Variants in DPP10 observed in about 807,000 individuals in gnomAD.
DPP10 encodes the protein inactive dipeptidyl peptidase 10.
Under a neutral mutation model 120.9 loss-of-function variants are expected in DPP10, and 33 were observed. The observed-to-expected ratio is 0.27, with a 90% CI of 0.21 to 0.37. The LOEUF (loss-of-function observed/expected upper bound fraction) is 0.37, where lower values mean the gene tolerates loss of function less well. Among genes scored for constraint, DPP10 ranks in the 10% least tolerant of loss-of-function variants. The pLI, the probability that DPP10 is intolerant of heterozygous loss-of-function variation, is 1.00. For synonymous variants in DPP10, 337 were observed against 326.1 expected, an observed-to-expected ratio of 1.03 and a Z score of -0.36; for missense variants, 816 against 942.8, an observed-to-expected ratio of 0.87 and a Z score of 1.76.
chr2:114,530,063 A>G (rs1052272134), intron 1 of DPP10, among the ~76,000 whole-genome samples: 1 of 152,128 alleles, frequency 6.6e-6, no homozygotes, highest in African/African-American at 2.4e-5. Flanking sequence ...TTACATTCTT[A>G]GAGAAAATCT....
At chr2:115,433,867 C>T (rs1392462932) in intron 3 of DPP10, among the ~76,000 whole-genome samples, 2 of 151,964 alleles carry the variant, frequency 1.3e-5, no homozygotes, top group Admixed American at 6.6e-5. Flanking sequence ...TCAGATATCA[C>T]GATTACCATG....
chr2:115,710,571 C>A (rs904552108), intron 7 of DPP10, among the ~76,000 whole-genome samples: 1 of 152,018 alleles, frequency 6.6e-6, no homozygotes, highest in Non-Finnish European at 1.5e-5. Flanking sequence ...ATAATAGCAT[C>A]ATGGATTCAT....
intron 11 of DPP10, 113 bp downstream of exon 11, chr2:115,753,410 A>G (rs996155895): frequency 1.0e-6 from 1 of 976,678 alleles, no homozygotes; most frequent in Non-Finnish European, 1.4e-6. Flanking sequence ...AACTTTTAAA[A>G]CTAATAGGAA....
rs548558662 is a variant in DPP10 at position 114,868,867 on chromosome 2, C to A, written c.60+426029C>A. On this transcript the variant is annotated intron_variant, in intron 1 of 25. Transcript: ENST00000410059. The stretch of plus-strand genomic sequence containing the variant: ...GTTTTAGGGTCAACCAGAGCTGGCT[C>A]TGCCACGTCTTAACTGTGCGAATTT... 7.2e-5 allele frequency among the ~76,000 whole-genome samples: 11 copies of A among 152,284 alleles called. No individual in the cohort carries two copies. The South Asian group carries it at 2.1e-3, about 29-fold the overall frequency.
At chr2:115,799,155 C>T (rs1684877245) in intron 19 of DPP10, among the ~76,000 whole-genome samples, 1 of 151,934 alleles carries the variant, frequency 6.6e-6, no homozygotes, top group African/African-American at 2.4e-5. Context: ...TTCCTCTAGA[C>T]ATTAATACCT....
At chr2:114,615,453 C>A (rs1693605950) in intron 1 of DPP10, among the ~76,000 whole-genome samples, 1 of 152,144 alleles carries the variant, frequency 6.6e-6, no homozygotes, top group African/African-American at 2.4e-5. Context: ...ATCTCTGTCT[C>A]TCTCTGTATT....
At chr2:115,285,539 A>G (rs113075865) in intron 1 of DPP10, among the ~76,000 whole-genome samples, 8,666 of 152,138 alleles carry the variant, frequency 0.057, 334 homozygotes, top group Middle Eastern at 0.1. Flanking sequence ...GAGAAAAGGC[A>G]ACCCATTGTT....
intron 3 of DPP10, among the ~76,000 whole-genome samples, chr2:115,387,274 C>T (rs982985581): frequency 2.6e-5 from 4 of 152,156 alleles, no homozygotes; most frequent in African/African-American, 9.7e-5. Context: ...TAGCGTGTTT[C>T]TCCCTCTGTT....
chr2:115,802,971 A>G (rs1301567057), intron 19 of DPP10, among the ~76,000 whole-genome samples: 1 of 152,050 alleles, frequency 6.6e-6, no homozygotes, highest in East Asian at 1.9e-4. Context: ...GCTGAGTTCA[A>G]TTTCTGGATA....
chr2:114,840,649 G>C (rs62165242), intron 1 of DPP10, among the ~76,000 whole-genome samples: 7,560 of 152,222 alleles, frequency 0.05, 239 homozygotes, highest in Non-Finnish European at 0.072. Context: ...TTCAAGAAGA[G>C]TTGTCATTCT....
chr2:115,064,089 CA>C (rs1706644740), intron 1 of DPP10, among the ~76,000 whole-genome samples: 1 of 152,124 alleles, frequency 6.6e-6, no homozygotes, highest in Non-Finnish European at 1.5e-5. Context: ...CTCACTTTCA[CA>C]CAACATATAG....
chr2:115,217,356 C>T (rs1433971472), intron 1 of DPP10, among the ~76,000 whole-genome samples: 3 of 152,222 alleles, frequency 2.0e-5, no homozygotes, highest in South Asian at 2.1e-4. Flanking sequence ...AAAGAGTGCT[C>T]GCCACATAAG....
intron 3 of DPP10, among the ~76,000 whole-genome samples, chr2:115,465,723 G>A (rs536896841): frequency 6.6e-6 from 1 of 152,298 alleles, no homozygotes; most frequent in Non-Finnish European, 1.5e-5. Context: ...TCGGGAGGCT[G>A]AGACAGGAGA....
intron 1 of DPP10, among the ~76,000 whole-genome samples, chr2:114,997,117 TA>T (rs972044327): frequency 2.6e-5 from 4 of 151,634 alleles, no homozygotes; most frequent in Admixed American, 6.6e-5. Flanking sequence ...TATTCCAATA[TA>T]AAAAGGGCCT....
At chr2:115,327,942 A>T (rs1412307426) in intron 2 of DPP10, among the ~76,000 whole-genome samples, 1 of 152,062 alleles carries the variant, frequency 6.6e-6, no homozygotes, top group African/African-American at 2.4e-5. Context: ...TTGCTTTTGT[A>T]TCACAAGTGA....
chr2:115,215,976 A>G (rs2056794649), intron 1 of DPP10, among the ~76,000 whole-genome samples: 1 of 152,190 alleles, frequency 6.6e-6, no homozygotes, highest in Non-Finnish European at 1.5e-5. Context: ...ACTCAGCCAA[A>G]AGAGAATGAA....
At chr2:115,635,354 C>A (rs2086241857) in intron 5 of DPP10, among the ~76,000 whole-genome samples, 1 of 152,144 alleles carries the variant, frequency 6.6e-6, no homozygotes, top group South Asian at 2.1e-4. Flanking sequence ...ATCTCCTGAT[C>A]TATGGGTTGC....
chr2:115,675,418 C>T (rs1376863238), intron 5 of DPP10, among the ~76,000 whole-genome samples: 1 of 144,390 alleles, frequency 6.9e-6, no homozygotes, highest in East Asian at 2.1e-4. Flanking sequence ...TCACCTCCTC[C>T]ACAAAGAAGA....
chr2:115,827,989 C>T (rs12616528), intron 21 of DPP10, among the ~76,000 whole-genome samples: 2 of 152,086 alleles, frequency 1.3e-5, no homozygotes, highest in South Asian at 2.1e-4. Flanking sequence ...TTCATCATTT[C>T]TTTGTGTAGA....
Sources: gnomAD v4.1 joint callset for allele counts (sites outside exome capture counted in the v4.1 genomes callset) on GRCh38, gnomAD v4.1.1 for gene constraint, MANE v1.5 for transcripts, NCBI Gene and HGNC (gene_info 2026-07-23, HGNC 2026-07-21) for gene names.